The following FMO5 variants were observed in gnomAD, a reference collection of about 807,000 sequenced individuals.
FMO5 encodes flavin containing dimethylaniline monoxygenase 5.
Under a neutral mutation model 43.6 loss-of-function variants are expected in FMO5, and 51 were observed. That is an observed-to-expected ratio of 1.17 (90% CI 0.93 to 1.48). The LOEUF (loss-of-function observed/expected upper bound fraction) is 1.48. Ranked by LOEUF, FMO5 falls within the 40% of genes most tolerant of loss-of-function variation. FMO5 has a pLI of 0.00. For synonymous variants in FMO5, 187 were observed against 216.5 expected (o/e 0.86, Z 1.20); for missense variants, 644 against 643.0 (o/e 1.00, Z -0.02).
intron 7 of FMO5, among the ~76,000 whole-genome samples, chr1:147,193,647 G>C (rs1241935630): frequency 1.3e-5 from 2 of 152,108 alleles, no homozygotes; most frequent in Non-Finnish European, 2.9e-5. Context: ...GGCATTTAGT[G>C]CTATAAATTT....
chr1:147,191,168 G>T (rs1452541328), intron 7 of FMO5, among the ~76,000 whole-genome samples: 5 of 152,150 alleles, frequency 3.3e-5, no homozygotes, highest in Admixed American at 1.3e-4. Flanking sequence ...CTTTATAGCA[G>T]CATGATTTAT....
At chr1:147,209,088 A>G in intron 5 of FMO5, 37 bp from the exon 6 acceptor site, 2 of 1,575,864 alleles carry the variant, frequency 1.3e-6, no homozygotes, top group Non-Finnish European at 1.7e-6. Flanking sequence ...TTTGTCACTC[A>G]GATTCGTAAA....
At chr1:147,187,334 T>C in intron 8 of FMO5, 89 bp from the exon 9 acceptor site, 1 of 868,120 alleles carries the variant, frequency 1.2e-6, no homozygotes, top group South Asian at 1.7e-5. Flanking sequence ...TGCTATTGGC[T>C]CAATATCAGA....
chr1:147,204,221 T>A, intron 6 of FMO5: 1 of 1,385,342 alleles, frequency 7.2e-7, no homozygotes, highest in Non-Finnish European at 1.0e-6. Flanking sequence ...CACTGCTATT[T>A]TTGCATCTTT....
chr1:147,203,970 G>T (rs4950386), intron 6 of FMO5: 1 of 1,224,440 alleles, frequency 8.2e-7, no homozygotes, highest in Non-Finnish European at 1.2e-6. Context: ...CAGAGTCTTC[G>T]GACATCCCAT....
intron 7 of FMO5, among the ~76,000 whole-genome samples, chr1:147,194,020 G>C (rs1165308684): frequency 2.0e-5 from 3 of 152,224 alleles, no homozygotes; most frequent in Middle Eastern, 3.4e-3. Context: ...ATGTCTATTA[G>C]GTCTGCTTGG....
At chr1:147,207,143 A>G (rs1660237637) in intron 6 of FMO5, among the ~76,000 whole-genome samples, 1 of 152,166 alleles carries the variant, frequency 6.6e-6, no homozygotes, top group Admixed American at 6.5e-5. Context: ...ATGGTTATGT[A>G]GGAGAATGCC....
chr1:147,193,518 C>T (rs1369456794), intron 7 of FMO5, among the ~76,000 whole-genome samples: 1 of 152,026 alleles, frequency 6.6e-6, no homozygotes, highest in African/African-American at 2.4e-5. Context: ...CAGTTCTGCT[C>T]TGATTTTAGT....
intron 6 of FMO5, chr1:147,204,166 T>G (rs1659546178): frequency 8.0e-7 from 1 of 1,247,094 alleles, no homozygotes; most frequent in Admixed American, 1.7e-5. Context: ...TTATCAACAC[T>G]GTTCCCTTAG....
Position 147,225,066 on chromosome 1 carries a change from C to T in FMO5, c.-37G>A. ...ATCTTCACCTGTTAGTGTCGCCTGTCCTAAAGAAAGGATGACAAAAGACAA... is the reference window on the plus strand; with the variant it reads ...ATCTTCACCTGTTAGTGTCGCCTGTTCTAAAGAAAGGATGACAAAAGACAA... On this transcript the variant is annotated splice_region_variant and 5_prime_UTR_variant, in exon 2 of 9. Coordinates refer to ENST00000254090, the MANE Select transcript of FMO5 (RefSeq NM_001461.4). 1.9e-6 allele frequency: 3 copies of T among 1,613,426 alleles called. No homozygotes were observed. Among genetic ancestry groups the T allele is most frequent in the Middle Eastern group, 1.6e-4 (1 of 6,062 alleles).
chr1:147,191,548 A>C, intron 7 of FMO5, among the ~76,000 whole-genome samples: 1 of 151,886 alleles, frequency 6.6e-6, no homozygotes. Context: ...TTTTTCTTAT[A>C]AACTTGTTTG....
chr1:147,226,838 C>CTT (rs35603968), upstream of FMO5, among the ~76,000 whole-genome samples: 123,671 of 149,008 alleles, frequency 0.83, 52,051 homozygotes, highest in Non-Finnish European at 0.92. Context: ...AACTGTCGAA[C>CTT]TTTTTTTTTT....
intron 6 of FMO5, among the ~76,000 whole-genome samples, chr1:147,205,848 A>G (rs1659909165): frequency 6.6e-6 from 1 of 152,188 alleles, no homozygotes; most frequent in Non-Finnish European, 1.5e-5. Context: ...TTCAGGACAT[A>G]GGCATGGGCA....
intron 2 of FMO5, among the ~76,000 whole-genome samples, chr1:147,219,000 T>C (rs1263195341): frequency 6.6e-6 from 1 of 152,196 alleles, no homozygotes; most frequent in African/African-American, 2.4e-5. Flanking sequence ...TTTCCATGAC[T>C]GTGAGAAACC....
intron 5 of FMO5, chr1:147,210,450 T>C (rs1553923543): frequency 6.6e-6 from 1 of 152,240 alleles, no homozygotes; most frequent in African/African-American, 2.4e-5. Context: ...ATAGTCTTTT[T>C]GTCTAAAATG....
chr1:147,200,794 A>G (rs1000169204), intron 7 of FMO5, among the ~76,000 whole-genome samples: 4 of 152,212 alleles, frequency 2.6e-5, no homozygotes, highest in Non-Finnish European at 5.9e-5. Flanking sequence ...CTTCAGAAAT[A>G]TATGCCAGTT....
At chr1:147,191,293 C>A (rs1365561804) in intron 7 of FMO5, among the ~76,000 whole-genome samples, 1 of 151,558 alleles carries the variant, frequency 6.6e-6, no homozygotes, top group Admixed American at 6.6e-5. Flanking sequence ...AGTTTACAGT[C>A]CCACCAACAG....
chr1:147,201,133 T>C lies in FMO5; in HGVS notation c.1183+19A>G. On this transcript the variant is annotated intron_variant, in intron 7 of 8. Transcript: ENST00000254090. ...CATATCACCAAGTAATTAAGTAGTC[T>C]ATTTGCATGGTCACTTACCTTTAAA... The C allele has an allele frequency of 6.5e-7, 1 of 1,548,488 alleles. No individual in the cohort carries two copies. Among genetic ancestry groups the C allele is most frequent in the Non-Finnish European group, 8.9e-7 (1 of 1,129,776 alleles).
intron 7 of FMO5, among the ~76,000 whole-genome samples, chr1:147,196,680 G>A (rs1338990441): frequency 6.6e-6 from 1 of 151,900 alleles, no homozygotes; most frequent in Non-Finnish European, 1.5e-5. Context: ...CATAAATTTT[G>A]TTTTTGCAGT....
Sources: gnomAD v4.1 joint callset for allele counts (sites outside exome capture counted in the v4.1 genomes callset) on GRCh38, gnomAD v4.1.1 for gene constraint, MANE v1.5 for transcripts, NCBI Gene and HGNC (gene_info 2026-07-23, HGNC 2026-07-21) for gene names.